TTC1: variants seen among roughly 807,000 people sequenced by gnomAD.
TTC1 encodes tetratricopeptide repeat protein 1.
Under a neutral mutation model 37.6 loss-of-function variants are expected in TTC1, and 31 were observed. The ratio of observed to expected loss-of-function variants is 0.82; its 90% CI spans 0.62 to 1.11. The LOEUF is 1.11. Among genes scored for constraint, TTC1 ranks in the 50% most tolerant of loss-of-function variants. TTC1 has a pLI of 0.00. For missense variants in TTC1, 351 were observed against 339.0 expected (o/e 1.04, Z -0.28); for synonymous variants, 127 against 122.4 (o/e 1.04, Z -0.25).
At chr5:160,032,547 T>C (rs1756928871) in intron 2 of TTC1, among the ~76,000 whole-genome samples, 1 of 152,106 alleles carries the variant, frequency 6.6e-6, no homozygotes, top group South Asian at 2.1e-4. Context: ...TATTAGATGC[T>C]TCTGACCAAG....
intron 2 of TTC1, among the ~76,000 whole-genome samples, chr5:160,025,442 A>G (rs972380533): frequency 2.0e-5 from 3 of 152,236 alleles, no homozygotes; most frequent in African/African-American, 7.2e-5. Context: ...GATTACAGGT[A>G]TGGGCTACCA....
intron 7 of TTC1, among the ~76,000 whole-genome samples, chr5:160,060,862 C>T (rs1753364807): frequency 6.6e-6 from 1 of 152,222 alleles, no homozygotes; most frequent in Non-Finnish European, 1.5e-5. Context: ...ACTGACCACA[C>T]TCTGGCTTCA....
intron 7 of TTC1, among the ~76,000 whole-genome samples, chr5:160,062,689 G>A (rs1370610328): frequency 6.6e-6 from 1 of 152,156 alleles, no homozygotes; most frequent in African/African-American, 2.4e-5. Context: ...CCATGGAGCT[G>A]CCCCTCCTCA....
intron 5 of TTC1, among the ~76,000 whole-genome samples, chr5:160,045,513 CATACACA>C (rs1757207201): frequency 2.0e-5 from 1 of 50,320 alleles, no homozygotes; most frequent in Non-Finnish European, 3.9e-5. Context: ...CACACACACA[CATACACA>C]CTCTCTCTCT....
chr5:160,023,031 G>A (rs1043198858), intron 2 of TTC1, among the ~76,000 whole-genome samples: 4 of 152,018 alleles, frequency 2.6e-5, no homozygotes, highest in Non-Finnish European at 5.9e-5. Context: ...CGAGGTGGGC[G>A]GATCACCTGA....
chr5:160,045,518 ACACTCTCT>A (rs1239053980), intron 5 of TTC1, among the ~76,000 whole-genome samples: 3 of 65,722 alleles, frequency 4.6e-5, no homozygotes, highest in Admixed American at 2.1e-4. Flanking sequence ...ACACACATAC[ACACTCTCT>A]CTCTCTCTCT....
At chr5:160,063,086 G>A (rs1371419232) in intron 7 of TTC1, among the ~76,000 whole-genome samples, 1 of 152,196 alleles carries the variant, frequency 6.6e-6, no homozygotes, top group Non-Finnish European at 1.5e-5. Flanking sequence ...GCCATCCCAG[G>A]TTCTGGGAGC....
chr5:160,053,431 G>T (rs1331320642), intron 7 of TTC1, among the ~76,000 whole-genome samples: 1 of 152,078 alleles, frequency 6.6e-6, no homozygotes, highest in Non-Finnish European at 1.5e-5. Context: ...AGGTGTGCTG[G>T]TGTGCACCTG....
chr5:160,053,704 A>G (rs2113403391), intron 7 of TTC1, among the ~76,000 whole-genome samples: 1 of 152,326 alleles, frequency 6.6e-6, no homozygotes, highest in African/African-American at 2.4e-5. Flanking sequence ...TCTGTGAAGA[A>G]TGTCATTGGT....
intron 5 of TTC1, among the ~76,000 whole-genome samples, chr5:160,045,804 G>A (rs1324759268): frequency 6.6e-6 from 1 of 151,922 alleles, no homozygotes. Context: ...GTGCAGTGGT[G>A]CCATCTTGGC....
intron 4 of TTC1, 26 bp downstream of exon 4, chr5:160,036,829 T>C: frequency 6.6e-7 from 1 of 1,525,390 alleles, no homozygotes; most frequent in Non-Finnish European, 9.1e-7. Flanking sequence ...CTTTTCTTTT[T>C]AAAAAGCACA....
chr5:160,010,379 C>G lies in TTC1; in HGVS notation c.-29-121C>G, dbSNP rs939748364. The stretch of plus-strand genomic sequence containing the variant: ...AAGCTGTATTTTTAAATAATGAATT[C>G]CAGTGAAAGGAAATTACGGTGTGTT... On this transcript the variant is annotated intron_variant, in intron 1 of 7. Coordinates refer to ENST00000231238, the MANE Select transcript of TTC1 (RefSeq NM_003314.3). 5 of 559,840 alleles carry G rather than the reference C, an allele frequency of 8.9e-6. No individual in the cohort carries two copies. The African/African-American group carries it at 9.3e-5, about 10-fold the overall frequency. 34.7% of individuals were successfully genotyped at this position (559,840 alleles called of 1,614,324 possible).
At chr5:160,055,938 G>C (rs1012343143) in intron 7 of TTC1, among the ~76,000 whole-genome samples, 4 of 152,226 alleles carry the variant, frequency 2.6e-5, no homozygotes, top group Non-Finnish European at 5.9e-5. Flanking sequence ...ATTTGGACAA[G>C]TTGCCACTGG....
At chr5:160,013,458 G>A (rs1850968) in intron 2 of TTC1, among the ~76,000 whole-genome samples, 23,100 of 151,796 alleles carry the variant, frequency 0.15, 1,988 homozygotes, top group East Asian at 0.27. Flanking sequence ...ATGATGAAAA[G>A]TACAGGCTGG....
chr5:160,026,999 CTACTT>C (rs746767133), intron 2 of TTC1, among the ~76,000 whole-genome samples: 1 of 148,524 alleles, frequency 6.7e-6, no homozygotes, highest in African/African-American at 2.5e-5. Flanking sequence ...TTTTTATAGT[CTACTT>C]TAGTTTTTCG....
At position 160,043,117 on chromosome 5, in the gene TTC1, C is replaced by T; in HGVS notation, c.505-16C>T. On this transcript the variant is annotated splice_polypyrimidine_tract_variant and intron_variant, in intron 4 of 7. Transcript: ENST00000231238. ...AAAACTAGGGCAACACATATTAATA[C>T]TGTTTTTCTTTTTAGGACAAGAAAG... is the stretch of plus-strand genomic sequence containing the variant. 1 of 1,613,062 alleles carries T rather than the reference C, an allele frequency of 6.2e-7. No individual in the cohort carries two copies. The highest frequency in any genetic ancestry group is 8.5e-7 in the Non-Finnish European group (1 of 1,179,474).
chr5:160,050,251 C>G (rs1452069400), intron 6 of TTC1, among the ~76,000 whole-genome samples: 4 of 152,150 alleles, frequency 2.6e-5, no homozygotes, highest in African/African-American at 9.7e-5. Context: ...AGTTCGAGAC[C>G]AGCCTGACCA....
chr5:160,024,986 G>T (rs1362856847), intron 2 of TTC1, among the ~76,000 whole-genome samples: 1 of 152,102 alleles, frequency 6.6e-6, no homozygotes, highest in African/African-American at 2.4e-5. Context: ...GCAGGCATGA[G>T]CCATCATGCC....
intron 4 of TTC1, among the ~76,000 whole-genome samples, chr5:160,041,308 T>G (rs1018800115): frequency 1.1e-4 from 16 of 146,018 alleles, no homozygotes; most frequent in South Asian, 2.2e-4. Flanking sequence ...TATTATGCTT[T>G]CTTTCTTTTT....
Sources: allele counts gnomAD v4.1 joint callset (sites outside exome capture counted in the v4.1 genomes callset), GRCh38; gene constraint gnomAD v4.1.1; transcripts MANE v1.5; gene names NCBI Gene and HGNC (gene_info 2026-07-23, HGNC 2026-07-21).